Variants in LRMDA observed in about 807,000 individuals in gnomAD.
LRMDA encodes the protein leucine rich melanocyte differentiation associated.
In LRMDA, 18 loss-of-function variants were observed where a neutral mutation model predicts 29.8. That is an observed-to-expected ratio of 0.60 (90% CI 0.42 to 0.90). The LOEUF (loss-of-function observed/expected upper bound fraction) is 0.90. Ranked by LOEUF, LRMDA falls within the 40% of genes least tolerant of loss-of-function variation. LRMDA has a pLI of 0.00. For missense variants in LRMDA, 273 were observed against 273.9 expected, an observed-to-expected ratio of 1.00 and a Z score of 0.02; for synonymous variants, 125 against 109.4, an observed-to-expected ratio of 1.14 and a Z score of -0.89.
At chr10:75,612,709 G>A (rs1263396755) in intron 2 of LRMDA, among the ~76,000 whole-genome samples, 1 of 150,496 alleles carries the variant, frequency 6.6e-6, no homozygotes, top group Non-Finnish European at 1.5e-5. Flanking sequence ...AGGCAATAGT[G>A]TGGATAAGAA....
intron 5 of LRMDA, among the ~76,000 whole-genome samples, chr10:76,239,453 C>A (rs544728394): frequency 6.6e-6 from 1 of 152,156 alleles, no homozygotes; most frequent in Non-Finnish European, 1.5e-5. Flanking sequence ...GTATCCAGTT[C>A]GTTTGATTCA....
chr10:75,991,234 G>A (rs1030033699), intron 2 of LRMDA, among the ~76,000 whole-genome samples: 1 of 152,144 alleles, frequency 6.6e-6, no homozygotes, highest in African/African-American at 2.4e-5. Flanking sequence ...GCTGGCTGTC[G>A]AGTGGAAGAT....
intron 2 of LRMDA, among the ~76,000 whole-genome samples, chr10:75,659,531 A>T (rs915549928): frequency 6.6e-6 from 1 of 152,238 alleles, no homozygotes; most frequent in Non-Finnish European, 1.5e-5. Context: ...TATACCAAGT[A>T]AAACAAGCCA....
intron 2 of LRMDA, among the ~76,000 whole-genome samples, chr10:75,629,771 T>C (rs151196578): frequency 6.6e-6 from 1 of 152,332 alleles, no homozygotes; most frequent in Non-Finnish European, 1.5e-5. Context: ...TTTAATTCCA[T>C]CTCAGAAAAC....
chr10:76,134,376 TTGG>T (rs1850056054), intron 5 of LRMDA, among the ~76,000 whole-genome samples: 1 of 152,116 alleles, frequency 6.6e-6, no homozygotes, highest in Non-Finnish European at 1.5e-5. Context: ...AGATGGAAGG[TTGG>T]TGGTGATGCT....
At chr10:76,214,327 C>G (rs1257131171) in intron 5 of LRMDA, among the ~76,000 whole-genome samples, 1 of 138,234 alleles carries the variant, frequency 7.2e-6, no homozygotes, top group Non-Finnish European at 1.5e-5. Flanking sequence ...TCACTTGAAC[C>G]AAATTTTTTT....
chr10:76,471,040 G>C (rs1842612611), intron 6 of LRMDA, among the ~76,000 whole-genome samples: 1 of 151,814 alleles, frequency 6.6e-6, no homozygotes, highest in Non-Finnish European at 1.5e-5. Context: ...ATATTTGACA[G>C]TAACAGCACA....
chr10:75,899,610 G>GC (rs1845637813), intron 2 of LRMDA, among the ~76,000 whole-genome samples: 1 of 152,224 alleles, frequency 6.6e-6, no homozygotes, highest in South Asian at 2.1e-4. Flanking sequence ...CATCCATTCA[G>GC]CTAAAGATGT....
intron 5 of LRMDA, among the ~76,000 whole-genome samples, chr10:76,202,249 C>G (rs1198544424): frequency 6.6e-6 from 1 of 152,156 alleles, no homozygotes; most frequent in African/African-American, 2.4e-5. Context: ...AGAGCCATTA[C>G]CGCAACAGTC....
intron 2 of LRMDA, among the ~76,000 whole-genome samples, chr10:75,904,230 G>A (rs1845723459): frequency 6.6e-6 from 1 of 152,202 alleles, no homozygotes; most frequent in African/African-American, 2.4e-5. Flanking sequence ...AGCTTACTTT[G>A]ATAGCCAGCA....
At chr10:75,480,358 C>T (rs531710204) in intron 2 of LRMDA, among the ~76,000 whole-genome samples, 6 of 145,272 alleles carry the variant, frequency 4.1e-5, no homozygotes, top group African/African-American at 1.3e-4. Flanking sequence ...ACACAACAGA[C>T]GATGTCCAGA....
chr10:76,295,569 T>A (rs1402438766), intron 5 of LRMDA, among the ~76,000 whole-genome samples: 1 of 152,232 alleles, frequency 6.6e-6, no homozygotes, highest in Admixed American at 6.5e-5. Flanking sequence ...CCGCCACCTC[T>A]TTGGGTGTGC....
chr10:75,489,609 C>T (rs1844959051), intron 2 of LRMDA, among the ~76,000 whole-genome samples: 1 of 152,182 alleles, frequency 6.6e-6, no homozygotes. Flanking sequence ...ACCTCATGAG[C>T]TCTTACCTTC....
chr10:75,946,179 T>C (rs1846472882), intron 2 of LRMDA, among the ~76,000 whole-genome samples: 1 of 152,204 alleles, frequency 6.6e-6, no homozygotes, highest in African/African-American at 2.4e-5. Flanking sequence ...ACTTGATATT[T>C]GGGGCACTGT....
At chr10:75,447,525 C>G (rs191875550) in intron 2 of LRMDA, among the ~76,000 whole-genome samples, 1 of 151,500 alleles carries the variant, frequency 6.6e-6, no homozygotes. Context: ...GACTCCATCT[C>G]AAAAAAAAGA....
intron 5 of LRMDA, among the ~76,000 whole-genome samples, chr10:76,286,798 A>G (rs1193284169): frequency 6.6e-6 from 1 of 152,084 alleles, no homozygotes; most frequent in Non-Finnish European, 1.5e-5. Flanking sequence ...GTTTATTCAG[A>G]TTTGCTGATT....
chr10:76,316,038 A>T (rs1290557505), intron 5 of LRMDA, among the ~76,000 whole-genome samples: 1 of 152,112 alleles, frequency 6.6e-6, no homozygotes, highest in Non-Finnish European at 1.5e-5. Context: ...TTCTTCCTGG[A>T]TGCAGGACAG....
At chr10:75,446,774 C>T (rs1403681646) in intron 2 of LRMDA, among the ~76,000 whole-genome samples, 1 of 152,198 alleles carries the variant, frequency 6.6e-6, no homozygotes, top group Non-Finnish European at 1.5e-5. Flanking sequence ...ACCAGCTCAC[C>T]TCATATATAT....
chr10:75,538,368 G>A lies in LRMDA; in HGVS notation c.131+99874G>A, dbSNP rs142763011. Among the ~76,000 whole-genome samples the A allele has an allele frequency of 2.1e-3, 327 of 152,224 alleles. 1 individual carries two copies. Among genetic ancestry groups the A allele is most frequent in the Non-Finnish European group, 3.2e-3 (221 of 68,016 alleles). On this transcript the variant is annotated intron_variant, in intron 2 of 6. Coordinates refer to ENST00000611255, the MANE Select transcript of LRMDA (RefSeq NM_001305581.2). ...CTGGCCACCTGCTGCATCCTCTACCGCATTTCACATAGCATGCCTAGTGAG... is the reference window on the plus strand; with the variant it reads ...CTGGCCACCTGCTGCATCCTCTACCACATTTCACATAGCATGCCTAGTGAG...
Sources: allele counts gnomAD v4.1 joint callset (sites outside exome capture counted in the v4.1 genomes callset), GRCh38; gene constraint gnomAD v4.1.1; transcripts MANE v1.5; gene names NCBI Gene and HGNC (gene_info 2026-07-23, HGNC 2026-07-21).